Variants in ADGRB3 observed in about 807,000 individuals in gnomAD.
ADGRB3 encodes adhesion G protein-coupled receptor B3.
In ADGRB3, 37 loss-of-function variants were observed where a neutral mutation model predicts 193.4. The ratio of observed to expected loss-of-function variants is 0.19; its 90% CI spans 0.15 to 0.25. ADGRB3 has a LOEUF of 0.25. ADGRB3 is among the 10% of genes least tolerant of loss of function. The pLI is 1.00. For synonymous variants in ADGRB3, 690 were observed against 644.2 expected (o/e 1.07, Z -1.08); for missense variants, 1,637 against 1,852.9 (o/e 0.88, Z 2.14).
At chr6:68,658,214 T>C (rs1293138077) in intron 3 of ADGRB3, among the ~76,000 whole-genome samples, 2 of 151,248 alleles carry the variant, frequency 1.3e-5, no homozygotes, top group African/African-American at 4.8e-5. Flanking sequence ...AGTATCACAT[T>C]GAGAAGAGGC....
At chr6:68,796,480 T>C (rs1232256745) in intron 3 of ADGRB3, among the ~76,000 whole-genome samples, 2 of 152,210 alleles carry the variant, frequency 1.3e-5, no homozygotes, top group Admixed American at 1.3e-4. Flanking sequence ...AGAGTCTCTA[T>C]AGTCATTCTG....
chr6:68,874,258 C>T (rs1765531184), intron 3 of ADGRB3, among the ~76,000 whole-genome samples: 1 of 152,070 alleles, frequency 6.6e-6, no homozygotes, highest in Non-Finnish European at 1.5e-5. Flanking sequence ...TAACTATTAT[C>T]TTAAAATATG....
chr6:69,052,415 T>C (rs1771425769), intron 15 of ADGRB3, among the ~76,000 whole-genome samples: 1 of 152,246 alleles, frequency 6.6e-6, no homozygotes, highest in Non-Finnish European at 1.5e-5. Flanking sequence ...TACAAAGTTT[T>C]ATAAAATATA....
intron 17 of ADGRB3, among the ~76,000 whole-genome samples, chr6:69,106,255 G>A (rs1315828094): frequency 6.7e-6 from 1 of 149,944 alleles, no homozygotes. Flanking sequence ...TTATTTTTAT[G>A]TTATATTTTT....
At chr6:69,203,223 A>G (rs1765468562) in intron 17 of ADGRB3, among the ~76,000 whole-genome samples, 1 of 152,174 alleles carries the variant, frequency 6.6e-6, no homozygotes, top group East Asian at 1.9e-4. Context: ...TTAATCCTGG[A>G]AAGTACAACG....
chr6:68,756,129 G>A (rs974178570), intron 3 of ADGRB3, among the ~76,000 whole-genome samples: 1 of 152,086 alleles, frequency 6.6e-6, no homozygotes, highest in Non-Finnish European at 1.5e-5. Context: ...TAACTCGGCT[G>A]TGGGAAATTT....
At chr6:68,918,130 C>T (rs1226037034) in intron 3 of ADGRB3, among the ~76,000 whole-genome samples, 1 of 152,040 alleles carries the variant, frequency 6.6e-6, no homozygotes. Flanking sequence ...ATTTTTCCTT[C>T]AGAGAAGCAA....
chr6:68,656,958 C>T (rs1768504540), intron 3 of ADGRB3, among the ~76,000 whole-genome samples: 2 of 151,472 alleles, frequency 1.3e-5, no homozygotes, highest in Non-Finnish European at 3.0e-5. Context: ...GTGGGAAGTT[C>T]TCTTAATTCA....
chr6:69,308,339 T>C (rs1404795843), intron 20 of ADGRB3, among the ~76,000 whole-genome samples: 1 of 151,422 alleles, frequency 6.6e-6, no homozygotes. Flanking sequence ...CTATGTAAAA[T>C]CCACCACAGT....
chr6:69,367,911 C>T (rs937367468), intron 29 of ADGRB3, among the ~76,000 whole-genome samples: 2 of 147,462 alleles, frequency 1.4e-5, no homozygotes, highest in Non-Finnish European at 3.0e-5. Flanking sequence ...AACCAAACAC[C>T]GCATATTCTC....
At chr6:68,723,154 T>G (rs1276634662) in intron 3 of ADGRB3, among the ~76,000 whole-genome samples, 1 of 151,816 alleles carries the variant, frequency 6.6e-6, no homozygotes. Context: ...TTCATGTAAT[T>G]TATTTATGAA....
chr6:69,237,324 A>G (rs1390060888), intron 19 of ADGRB3, among the ~76,000 whole-genome samples: 1 of 152,034 alleles, frequency 6.6e-6, no homozygotes, highest in African/African-American at 2.4e-5. Flanking sequence ...TTTTATACAT[A>G]ATAGGCTGTT....
chr6:68,695,883 A>G (rs1310888207), intron 3 of ADGRB3, among the ~76,000 whole-genome samples: 1 of 152,004 alleles, frequency 6.6e-6, no homozygotes, highest in Non-Finnish European at 1.5e-5. Flanking sequence ...TGCGTGTGAC[A>G]CATTAAATGT....
In ADGRB3 at chr6:68,961,025, A is replaced by G. The variant is rs1768217202; in HGVS notation, c.1525+4216A>G. On this transcript the variant is annotated intron_variant, in intron 8 of 31. Transcript: ENST00000370598. Reference sequence around the variant, plus strand: ...GAAATATCACCTCAACAAAATTGCAAAATTTTATTTTTTTCATCCTTTTTC... The same window carrying G: ...GAAATATCACCTCAACAAAATTGCAGAATTTTATTTTTTTCATCCTTTTTC... Among the ~76,000 whole-genome samples the G allele has an allele frequency of 2.0e-5, 3 of 152,162 alleles. No homozygotes were observed. The South Asian group carries it at 6.2e-4, about 31-fold the overall frequency.
rs1382883362 is a variant in ADGRB3 at position 68,956,745 on chromosome 6, A to G, written c.1461A>G (p.Ile487Met). The part of the protein sequence containing the change: ...RRIRTCQGAV[I>M]TGQQCEGTGE... ...TAAGGACCTGTCAGGGTGCAGTGAT[A>G]ACAGGGCAGCAATGTGAAGGAACGG... Residue 487 changes from isoleucine to methionine, a missense_variant, in exon 8 of 32, where the codon ATA becomes ATG. Ile to Met is a conservative substitution (Grantham distance 10). Transcript: ENST00000370598. 10 of 1,613,968 alleles carry G rather than the reference A, an allele frequency of 6.2e-6. No individual in the cohort carries two copies. The highest frequency in any genetic ancestry group is 8.5e-7 in the Non-Finnish European group (1 of 1,179,988).
In ADGRB3 at chr6:68,735,746, T is replaced by G. The variant is rs140791034; in HGVS notation, c.757+96314T>G. 2.2e-3 allele frequency among the ~76,000 whole-genome samples: 339 copies of G among 152,128 alleles called. 2 individuals carry two copies. Among genetic ancestry groups the G allele is most frequent in the African/African-American group, 7.6e-3 (316 of 41,508 alleles). ...CTTATGGCATTAGACTGAATTGATTTTATAGAGAAAAAGAACTCAAGATTG... is the reference window on the plus strand; with the variant it reads ...CTTATGGCATTAGACTGAATTGATTGTATAGAGAAAAAGAACTCAAGATTG... On this transcript the variant is annotated intron_variant, in intron 3 of 31. Coordinates refer to ENST00000370598, the MANE Select transcript of ADGRB3 (RefSeq NM_001704.3).
intron 4 of ADGRB3, among the ~76,000 whole-genome samples, chr6:68,931,568 T>A (rs1301675042): frequency 6.6e-6 from 1 of 152,156 alleles, no homozygotes; most frequent in African/African-American, 2.4e-5. Context: ...CTCAATGTTT[T>A]GCCATTAATA....
Position 69,014,030 on chromosome 6 carries a change from A to C in ADGRB3, c.1930-8A>C. ...AATATTAAATCTTTTATCTAATTTA[A>C]TTTACAGAACTTCTTTCAAATAGTT... On this transcript the variant is annotated splice_region_variant and splice_polypyrimidine_tract_variant and intron_variant, in intron 11 of 31. Transcript: ENST00000370598. 6.5e-7 allele frequency: 1 copy of C among 1,541,412 alleles called. No individual in the cohort carries two copies. Among genetic ancestry groups the C allele is most frequent in the Non-Finnish European group, 8.9e-7 (1 of 1,126,698 alleles).
At chr6:68,730,113 A>T (rs1382366537) in intron 3 of ADGRB3, among the ~76,000 whole-genome samples, 1 of 151,682 alleles carries the variant, frequency 6.6e-6, no homozygotes, top group East Asian at 1.9e-4. Context: ...TTTCCAGTAC[A>T]CATAGAAATC....
Sources: gnomAD v4.1 joint callset for allele counts (sites outside exome capture counted in the v4.1 genomes callset) on GRCh38, gnomAD v4.1.1 for gene constraint, MANE v1.5 for transcripts, NCBI Gene and HGNC (gene_info 2026-07-23, HGNC 2026-07-21) for gene names.